The following LIN28A variants were observed in gnomAD, a reference collection of about 807,000 sequenced individuals.
LIN28A encodes the protein lin-28 RNA binding posttranscriptional regulator A.
A neutral mutation model predicts 21.1 loss-of-function variants in LIN28A; 11 were observed. That is an observed-to-expected ratio of 0.52 (90% CI 0.33 to 0.86). The LOEUF is 0.86. Ranked by LOEUF, LIN28A falls within the 40% of genes least tolerant of loss-of-function variation. The probability of loss-of-function intolerance (pLI) is 0.03; values close to 1 mark genes in which losing one functional copy is unlikely to be tolerated. For missense variants in LIN28A, 219 were observed against 279.8 expected (o/e 0.78, Z 1.55); for synonymous variants, 111 against 108.7 (o/e 1.02, Z -0.13).
rs2075072766 is a variant in LIN28A, at chr1:26,428,385, C to CT, written c.*1927_*1928insT. On this transcript the variant is annotated 3_prime_UTR_variant, in exon 4 of 4. Transcript: ENST00000326279. ...TCTACCCTGCCCTCTTTTCTGTTCA[C>CT]CCCCAAAAGAAAACTTACACACCCA... 2.2e-5 allele frequency: 2 copies of CT among 92,702 alleles called. No homozygotes were observed. The highest frequency in any genetic ancestry group is 3.1e-5 in the African/African-American group (1 of 32,334). 5.7% of individuals were successfully genotyped at this position (92,702 alleles called of 1,614,324 possible). A position where few individuals can be genotyped will look rare whatever the true frequency, so the allele number is the denominator to read the frequency against.
intron 2 of LIN28A, among the ~76,000 whole-genome samples, chr1:26,413,905 G>A (rs1205212439): frequency 7.3e-6 from 1 of 136,304 alleles, no homozygotes; most frequent in Non-Finnish European, 1.5e-5. Flanking sequence ...TCCACTCACC[G>A]CAACCTCCGC....
At chr1:26,413,046 C>T (rs971418893) in intron 2 of LIN28A, among the ~76,000 whole-genome samples, 3 of 152,088 alleles carry the variant, frequency 2.0e-5, no homozygotes, top group South Asian at 2.1e-4. Flanking sequence ...TGATAACCCA[C>T]AGGAAGTAAT....
At chr1:26,418,265 G>A (rs2075006939) in intron 2 of LIN28A, among the ~76,000 whole-genome samples, 1 of 152,152 alleles carries the variant, frequency 6.6e-6, no homozygotes, top group Non-Finnish European at 1.5e-5. Context: ...GAAATGCTTG[G>A]GGTGGGCGCG....
intron 2 of LIN28A, among the ~76,000 whole-genome samples, chr1:26,425,068 T>TAAACCTGAATA (rs2075050411): frequency 6.6e-6 from 1 of 152,210 alleles, no homozygotes; most frequent in African/African-American, 2.4e-5. Flanking sequence ...TTAAGAACTT[T>TAAACCTGAATA]AAACCTGAAT....
Position 26,411,246 on chromosome 1 carries a change from TTC to T in LIN28A, c.32-136_32-135del. ...GCGGGAGGCGACCGGGATAGGTTTC[TTC>T]TCTTCTGTTGCTTGGTAGCTGCCCC... On this transcript the variant is annotated intron_variant, in intron 1 of 3. Coordinates refer to ENST00000326279, the MANE Select transcript of LIN28A (RefSeq NM_024674.6). The surrounding 1 kb of genome is among the most constrained non-coding windows in gnomAD (Gnocchi z 5.4). 1.2e-6 allele frequency: 1 copy of T among 857,702 alleles called. No individual in the cohort carries two copies. Among genetic ancestry groups the T allele is most frequent in the Non-Finnish European group, 1.7e-6 (1 of 574,740 alleles). The allele number at this position is 857,702 out of a possible 1,614,324, so 53.1% of individuals were successfully genotyped here. A position where few individuals can be genotyped will look rare whatever the true frequency, so the allele number is the denominator to read the frequency against.
rs77401618 is a variant in LIN28A at position 26,411,735 on chromosome 1, T to C, written c.228+153T>C. On this transcript the variant is annotated intron_variant, in intron 2 of 3. Transcript: ENST00000326279. The surrounding 1 kb of genome is among the most constrained non-coding windows in gnomAD (Gnocchi z 5.4). ...TCGGCACCCCAATTCTGAGTCCCTG[T>C]TAACTATCTCGTGGGGGAGTAGTGG... Among the ~76,000 whole-genome samples the C allele has an allele frequency of 0.012, 1,803 of 152,316 alleles. 52 individuals carry two copies. The highest frequency in any genetic ancestry group is 0.041 in the African/African-American group (1,694 of 41,560).
chr1:26,414,806 T>G (rs892740188), intron 2 of LIN28A, among the ~76,000 whole-genome samples: 4 of 152,150 alleles, frequency 2.6e-5, no homozygotes, highest in Non-Finnish European at 4.4e-5. Flanking sequence ...CAGTTGCATC[T>G]TAGGTATGAC....
At position 26,427,009 on chromosome 1, in the gene LIN28A, G is replaced by A. The variant is rs2075063672; in HGVS notation, c.*551G>A. On this transcript the variant is annotated 3_prime_UTR_variant, in exon 4 of 4. Transcript: ENST00000326279. ...AAAAAGGGTGTTTGGGGGAACAGCT[G>A]CAGACCTGCTGCTCTATGCTCACCC... 1.2e-5 allele frequency: 2 copies of A among 161,496 alleles called. No homozygotes were observed. The highest frequency in any genetic ancestry group is 5.9e-5 in the Admixed American group (1 of 17,090). The allele number at this position is 161,496 out of a possible 1,614,324, so 10.0% of individuals were successfully genotyped here.
At chr1:26,422,824 A>G (rs572405434) in intron 2 of LIN28A, among the ~76,000 whole-genome samples, 16 of 152,108 alleles carry the variant, frequency 1.1e-4, no homozygotes, top group East Asian at 5.8e-4. Flanking sequence ...GAATCACTCA[A>G]TCTTCCAATC....
chr1:26,419,035 A>G (rs1268143922), intron 2 of LIN28A, among the ~76,000 whole-genome samples: 1 of 148,764 alleles, frequency 6.7e-6, no homozygotes, highest in Non-Finnish European at 1.5e-5. Context: ...CTACTGGGGG[A>G]GCTCAGGCCA....
At chr1:26,416,404 C>T (rs2074993745) in intron 2 of LIN28A, among the ~76,000 whole-genome samples, 1 of 152,224 alleles carries the variant, frequency 6.6e-6, no homozygotes, top group Admixed American at 6.6e-5. Flanking sequence ...TTTTCAGTAA[C>T]ATTCACCAGG....
intron 3 of LIN28A, 90 bp from the exon 4 acceptor site, chr1:26,426,152 T>C: frequency 9.6e-7 from 1 of 1,038,810 alleles, no homozygotes; most frequent in South Asian, 1.4e-5. Context: ...GTGACAAACC[T>C]GTACCAGAGC....
chr1:26,422,306 T>C lies in LIN28A; in HGVS notation c.229-2997T>C, dbSNP rs1206193809. Among the ~76,000 whole-genome samples, 3 of 152,290 alleles carry C rather than the reference T, an allele frequency of 2.0e-5. No individual in the cohort carries two copies. The East Asian group carries it at 5.8e-4, about 29-fold the overall frequency. ...GATTATAGGCATCAGCCACTGTGCC[T>C]GGCTGGGAATATCAATCTTACATCG... is the stretch of plus-strand genomic sequence containing the variant. On this transcript the variant is annotated intron_variant, in intron 2 of 3. Transcript: ENST00000326279.
chr1:26,428,278 G>C lies in LIN28A; in HGVS notation c.*1820G>C, dbSNP rs2075072103. The stretch of plus-strand genomic sequence containing the variant: ...TTTGGGGGGCCCTCTTCTTAAAGTG[G>C]GGATCTTGAACCATCCTTTCTTTTG... On this transcript the variant is annotated 3_prime_UTR_variant, in exon 4 of 4. Coordinates refer to ENST00000326279, the MANE Select transcript of LIN28A (RefSeq NM_024674.6). 6.6e-6 allele frequency: 1 copy of C among 152,530 alleles called. No homozygotes were observed. The highest frequency in any genetic ancestry group is 6.5e-5 in the Admixed American group (1 of 15,276). 9.4% of individuals were successfully genotyped at this position (152,530 alleles called of 1,614,324 possible).
chr1:26,426,989 G>C lies in LIN28A; in HGVS notation c.*531G>C, dbSNP rs2124307898. ...CAATGGGTAATGATGATGGCAAAAAGGGTGTTTGGGGGAACAGCTGCAGAC... is the reference window on the plus strand; with the variant it reads ...CAATGGGTAATGATGATGGCAAAAACGGTGTTTGGGGGAACAGCTGCAGAC... On this transcript the variant is annotated 3_prime_UTR_variant, in exon 4 of 4. Coordinates refer to ENST00000326279, the MANE Select transcript of LIN28A (RefSeq NM_024674.6). The C allele has an allele frequency of 6.2e-6, 1 of 162,032 alleles. No homozygotes were observed. Among genetic ancestry groups the C allele is most frequent in the African/African-American group, 2.4e-5 (1 of 41,610 alleles). 10.0% of individuals were successfully genotyped at this position (162,032 alleles called of 1,614,324 possible).
intron 3 of LIN28A, 126 bp from the exon 4 acceptor site, chr1:26,426,116 A>G (rs1192948004): frequency 1.3e-5 from 9 of 677,284 alleles, no homozygotes; most frequent in Non-Finnish European, 2.3e-5. Flanking sequence ...GCAAGTGGGA[A>G]GTTTGGTCTC....
chr1:26,423,491 C>T (rs2075040415), intron 2 of LIN28A, among the ~76,000 whole-genome samples: 1 of 133,456 alleles, frequency 7.5e-6, no homozygotes, highest in Non-Finnish European at 1.5e-5. Flanking sequence ...CTCACCGCAA[C>T]CTCCGCCTCC....
rs190226490 is a variant in LIN28A at position 26,427,474 on chromosome 1, T to A, written c.*1016T>A. 6.5e-6 allele frequency: 1 copy of A among 152,796 alleles called. No homozygotes were observed. Among genetic ancestry groups the A allele is most frequent in the Admixed American group, 6.5e-5 (1 of 15,302 alleles). The allele number at this position is 152,796 out of a possible 1,614,324, so 9.5% of individuals were successfully genotyped here. A position where few individuals can be genotyped will look rare whatever the true frequency, so the allele number is the denominator to read the frequency against. ...ACTAGGTTTTAACTGGGTGGCCCCA[T>A]GACTTGATTGCCTTCTACTGGAAGA... On this transcript the variant is annotated 3_prime_UTR_variant, in exon 4 of 4. Coordinates refer to ENST00000326279, the MANE Select transcript of LIN28A (RefSeq NM_024674.6).
At position 26,410,817 on chromosome 1, in the gene LIN28A, C is replaced by A. The variant is rs2074952704; in HGVS notation, c.-75C>A. ...GTAGCAGCTTCTTCTCCGAACCAAC[C>A]CTTTGCCTTCGGACTTCTCCGGGGC... On this transcript the variant is annotated 5_prime_UTR_variant, in exon 1 of 4. Coordinates refer to ENST00000326279, the MANE Select transcript of LIN28A (RefSeq NM_024674.6). The A allele has an allele frequency of 6.6e-6, 10 of 1,518,802 alleles. No homozygotes were observed. Among genetic ancestry groups the A allele is most frequent in the Non-Finnish European group, 9.1e-6 (10 of 1,095,514 alleles). 94.1% of individuals were successfully genotyped at this position (1,518,802 alleles called of 1,614,324 possible). A position where few individuals can be genotyped will look rare whatever the true frequency, so the allele number is the denominator to read the frequency against.
Sources: gnomAD v4.1 joint callset for allele counts (sites outside exome capture counted in the v4.1 genomes callset) on GRCh38, gnomAD v4.1.1 for gene constraint, Gnocchi (gnomAD v3.1) non-coding constraint, MANE v1.5 for transcripts, NCBI Gene and HGNC (gene_info 2026-07-23, HGNC 2026-07-21) for gene names.